Variants in CDH8 observed in about 807,000 individuals in gnomAD.
CDH8 encodes the protein cadherin-8.
In CDH8, 17 loss-of-function variants were observed where a neutral mutation model predicts 68.1. That is an observed-to-expected ratio of 0.25 (90% confidence interval 0.17 to 0.37). CDH8 has a LOEUF of 0.37. Ranked by LOEUF, CDH8 falls within the 10% of genes least tolerant of loss-of-function variation. The pLI, the probability that CDH8 is intolerant of heterozygous loss-of-function variation, is 1.00. For missense variants in CDH8, 763 were observed against 999.3 expected, an observed-to-expected ratio of 0.76 and a Z score of 3.19; for synonymous variants, 372 against 365.1, an observed-to-expected ratio of 1.02 and a Z score of -0.21.
At chr16:61,663,715 C>T (rs1291591303) in intron 10 of CDH8, among the ~76,000 whole-genome samples, 1 of 151,986 alleles carries the variant, frequency 6.6e-6, no homozygotes, top group Non-Finnish European at 1.5e-5. Context: ...GAATATCTAT[C>T]TGTCTGTCTA....
At chr16:61,916,423 G>A (rs932226179) in intron 2 of CDH8, among the ~76,000 whole-genome samples, 2 of 152,126 alleles carry the variant, frequency 1.3e-5, no homozygotes, top group Non-Finnish European at 2.9e-5. Flanking sequence ...GCTGAGGCAG[G>A]GGAACTGCTT....
At chr16:61,675,816 GT>G (rs1963896340) in intron 10 of CDH8, among the ~76,000 whole-genome samples, 1 of 151,002 alleles carries the variant, frequency 6.6e-6, no homozygotes, top group Admixed American at 6.6e-5. Context: ...GTGTGAAGTA[GT>G]ATAATATTAC....
intron 7 of CDH8, among the ~76,000 whole-genome samples, chr16:61,791,305 A>T (rs1961372307): frequency 6.6e-6 from 1 of 151,968 alleles, no homozygotes; most frequent in African/African-American, 2.4e-5. Context: ...GGATGTGTTT[A>T]TTGCAAAGTG....
intron 10 of CDH8, among the ~76,000 whole-genome samples, chr16:61,684,846 TG>T (rs1424541400): frequency 6.6e-6 from 1 of 152,046 alleles, no homozygotes; most frequent in East Asian, 1.9e-4. Flanking sequence ...ACATCATTAA[TG>T]GATTCAACTC....
chr16:61,715,658 G>A (rs561841402), intron 9 of CDH8, among the ~76,000 whole-genome samples: 2 of 151,580 alleles, frequency 1.3e-5, no homozygotes, highest in East Asian at 2.0e-4. Flanking sequence ...GACCCAACAT[G>A]ATCAGACTAA....
chr16:61,789,220 G>A, intron 8 of CDH8, 126 bp downstream of exon 8: 5 of 774,540 alleles, frequency 6.5e-6, no homozygotes, highest in Non-Finnish European at 1.0e-5. Flanking sequence ...AAGGCTCCTT[G>A]GGAACAATCA....
chr16:61,966,066 T>C (rs1418163194), intron 2 of CDH8, among the ~76,000 whole-genome samples: 1 of 152,216 alleles, frequency 6.6e-6, no homozygotes, highest in Admixed American at 6.5e-5. Flanking sequence ...AATTAATTCA[T>C]TGATTTTATC....
chr16:61,962,960 A>T (rs1965184742), intron 2 of CDH8, among the ~76,000 whole-genome samples: 2 of 152,126 alleles, frequency 1.3e-5, no homozygotes, highest in Admixed American at 1.3e-4. Context: ...GTAACATTGT[A>T]TTCACATCAA....
chr16:61,723,305 T>C (rs1016973067), intron 9 of CDH8, among the ~76,000 whole-genome samples: 9 of 150,598 alleles, frequency 6.0e-5, no homozygotes, highest in African/African-American at 2.2e-4. Flanking sequence ...GGTTGTCAAG[T>C]ATATTGAAGG....
At chr16:61,677,624 G>T (rs1279305834) in intron 10 of CDH8, among the ~76,000 whole-genome samples, 1 of 151,896 alleles carries the variant, frequency 6.6e-6, no homozygotes, top group Non-Finnish European at 1.5e-5. Flanking sequence ...AAATGTAGTT[G>T]GGCTGGAATT....
At chr16:61,991,166 T>C (rs1038164545) in intron 2 of CDH8, among the ~76,000 whole-genome samples, 6 of 152,172 alleles carry the variant, frequency 3.9e-5, no homozygotes, top group African/African-American at 1.4e-4. Context: ...ACTTGGCACG[T>C]TTGGGAATCC....
At chr16:61,754,938 A>G (rs112971176) in intron 8 of CDH8, among the ~76,000 whole-genome samples, 2 of 152,122 alleles carry the variant, frequency 1.3e-5, no homozygotes, top group Non-Finnish European at 2.9e-5. Context: ...TCCCTCCTCT[A>G]GCAGGCATCA....
At chr16:61,923,876 T>TATATA (rs1178854691) in intron 2 of CDH8, among the ~76,000 whole-genome samples, 2 of 147,884 alleles carry the variant, frequency 1.4e-5, no homozygotes, top group East Asian at 3.9e-4. Flanking sequence ...ATATTTACTA[T>TATATA]ATATATTTAA....
At chr16:61,871,019 C>T (rs1269972891) in intron 3 of CDH8, among the ~76,000 whole-genome samples, 2 of 151,944 alleles carry the variant, frequency 1.3e-5, no homozygotes, top group African/African-American at 2.4e-5. Flanking sequence ...AATAGGTACT[C>T]GATAAATGTT....
chr16:61,818,951 T>TC (rs1962146292), intron 6 of CDH8, among the ~76,000 whole-genome samples: 1 of 151,422 alleles, frequency 6.6e-6, no homozygotes, highest in East Asian at 1.9e-4. Context: ...TTTTTTTTTT[T>TC]TCAATATTTT....
intron 10 of CDH8, among the ~76,000 whole-genome samples, chr16:61,708,494 GAA>G (rs944272553): frequency 1.3e-5 from 2 of 152,032 alleles, no homozygotes; most frequent in African/African-American, 4.8e-5. Flanking sequence ...ATTTTAGAAA[GAA>G]AATGAAAATA....
intron 10 of CDH8, among the ~76,000 whole-genome samples, chr16:61,689,696 T>C (rs1964180330): frequency 1.3e-5 from 2 of 152,100 alleles, no homozygotes; most frequent in African/African-American, 4.8e-5. Flanking sequence ...GTGTTCATTA[T>C]GATTGCAGAA....
At chr16:61,796,084 G>A (rs1207355968) in intron 7 of CDH8, among the ~76,000 whole-genome samples, 1 of 151,858 alleles carries the variant, frequency 6.6e-6, no homozygotes, top group African/African-American at 2.4e-5. Flanking sequence ...CACTTATTAA[G>A]CATGGAATAT....
intron 4 of CDH8, among the ~76,000 whole-genome samples, chr16:61,831,074 T>C (rs1415836352): frequency 6.6e-6 from 1 of 151,756 alleles, no homozygotes; most frequent in Non-Finnish European, 1.5e-5. Flanking sequence ...AAATCACACT[T>C]GGTATTCAGG....
Sources: allele counts gnomAD v4.1 joint callset (sites outside exome capture counted in the v4.1 genomes callset), GRCh38; gene constraint gnomAD v4.1.1; transcripts MANE v1.5; gene names NCBI Gene and HGNC (gene_info 2026-07-23, HGNC 2026-07-21).